The following GABRG3 variants were observed in gnomAD, a reference collection of about 807,000 sequenced individuals.
The protein encoded by GABRG3 is gamma-aminobutyric acid type A receptor subunit gamma3.
GABRG3 carries 25 observed loss-of-function variants against 48.8 expected under a neutral mutation model. The ratio of observed to expected loss-of-function variants is 0.51; its 90% CI spans 0.37 to 0.72. The LOEUF (loss-of-function observed/expected upper bound fraction) is 0.72. GABRG3 is among the 30% of genes least tolerant of loss of function. GABRG3 has a pLI of 0.00. For synonymous variants in GABRG3, 227 were observed against 217.6 expected, an observed-to-expected ratio of 1.04 and a Z score of -0.38; for missense variants, 394 against 577.9, an observed-to-expected ratio of 0.68 and a Z score of 3.26.
chr15:27,070,177 C>CA (rs1302225613), intron 3 of GABRG3, among the ~76,000 whole-genome samples: 1 of 152,232 alleles, frequency 6.6e-6, no homozygotes, highest in African/African-American at 2.4e-5. Flanking sequence ...GTCTGCAAAA[C>CA]AAAACCTTTT....
chr15:27,313,262 G>GTGTGTATGTA (rs1430430961), intron 3 of GABRG3, among the ~76,000 whole-genome samples: 1 of 34,562 alleles, frequency 2.9e-5, no homozygotes. Context: ...GTGTGTGTGT[G>GTGTGTATGTA]TATATATATA....
At chr15:27,518,451 G>C (rs943788392) in intron 6 of GABRG3, among the ~76,000 whole-genome samples, 2 of 151,620 alleles carry the variant, frequency 1.3e-5, no homozygotes, top group Non-Finnish European at 2.9e-5. Flanking sequence ...GCCAACGTTG[G>C]TAAACAAGAG....
intron 3 of GABRG3, among the ~76,000 whole-genome samples, chr15:27,307,241 T>C (rs1340231238): frequency 7.1e-6 from 1 of 140,146 alleles, no homozygotes; most frequent in Non-Finnish European, 1.5e-5. Context: ...ATTATATGTT[T>C]ATATATAACC....
intron 3 of GABRG3, among the ~76,000 whole-genome samples, chr15:27,325,726 G>A (rs1361476183): frequency 1.3e-5 from 2 of 152,154 alleles, no homozygotes; most frequent in Non-Finnish European, 2.9e-5. Flanking sequence ...GGCATACTCA[G>A]TGAAGCAAAG....
At chr15:27,294,257 C>T (rs1388022951) in intron 3 of GABRG3, among the ~76,000 whole-genome samples, 12 of 147,524 alleles carry the variant, frequency 8.1e-5, no homozygotes, top group Admixed American at 4.7e-4. Context: ...CAAGCTCTCA[C>T]CCAGGCTGGA....
rs1894920614 is a variant in GABRG3 at position 26,975,338 on chromosome 15, AC to A, written c.54-1663del. On this transcript the variant is annotated intron_variant, in intron 1 of 9. Transcript: ENST00000615808. This position sits in a 1 kb window ranked among gnomAD's most constrained non-coding sequence, Gnocchi z 4.6. ...GAATATCCAATGTGCATAAAAATCA[AC>A]AGCAATTTATAGTTTCTATGGATGA... Among the ~76,000 whole-genome samples, 1 of 152,232 alleles carries A rather than the reference AC, an allele frequency of 6.6e-6. No homozygotes were observed. Among genetic ancestry groups the A allele is most frequent in the Admixed American group, 6.5e-5 (1 of 15,282 alleles).
At chr15:26,983,991 C>T (rs1895103533) in intron 2 of GABRG3, among the ~76,000 whole-genome samples, 2 of 152,144 alleles carry the variant, frequency 1.3e-5, no homozygotes, top group Non-Finnish European at 2.9e-5. Context: ...CTCACCATGC[C>T]TGTCTTCGAG....
At chr15:27,489,632 G>A (rs1046670550) in intron 6 of GABRG3, among the ~76,000 whole-genome samples, 2 of 152,188 alleles carry the variant, frequency 1.3e-5, no homozygotes, top group African/African-American at 4.8e-5. Flanking sequence ...GACCAGTGAT[G>A]ATGAGCTTTT....
intron 3 of GABRG3, among the ~76,000 whole-genome samples, chr15:27,280,140 T>A (rs1213503542): frequency 6.6e-6 from 1 of 152,132 alleles, no homozygotes; most frequent in Non-Finnish European, 1.5e-5. Context: ...CTTTCTAATT[T>A]CATTGATTTC....
chr15:27,006,909 G>A (rs1895596721), intron 2 of GABRG3, among the ~76,000 whole-genome samples: 1 of 151,646 alleles, frequency 6.6e-6, no homozygotes, highest in South Asian at 2.1e-4. Context: ...GCACAATTGG[G>A]CTTACTGCAG....
Position 27,155,707 on chromosome 15 carries a change from GT to G in GABRG3, c.270+128888del, listed in dbSNP as rs1388159118. On this transcript the variant is annotated intron_variant, in intron 3 of 9. Transcript: ENST00000615808. ...CTAATCATTGCTGGATAGGGAGGGAGTTCTAGCTTCCCTCTAGGTCCCTGCA... is the reference window on the plus strand; with the variant it reads ...CTAATCATTGCTGGATAGGGAGGGAGTCTAGCTTCCCTCTAGGTCCCTGCA... 5.9e-5 allele frequency among the ~76,000 whole-genome samples: 9 copies of G among 152,266 alleles called. No individual in the cohort carries two copies. In the East Asian group the frequency reaches 1.7e-3, roughly 29 times the overall value.
intron 5 of GABRG3, among the ~76,000 whole-genome samples, chr15:27,388,505 T>C (rs1469078660): frequency 2.6e-5 from 4 of 152,096 alleles, no homozygotes; most frequent in African/African-American, 9.7e-5. Flanking sequence ...AGGCTCATTT[T>C]TAACAAGGTT....
intron 5 of GABRG3, among the ~76,000 whole-genome samples, chr15:27,458,548 G>A (rs889439825): frequency 6.6e-6 from 1 of 152,164 alleles, no homozygotes; most frequent in African/African-American, 2.4e-5. Context: ...TTGAGGAGAT[G>A]CAAGCTCCAT....
At chr15:27,432,818 T>C (rs1028879095) in intron 5 of GABRG3, among the ~76,000 whole-genome samples, 1 of 152,220 alleles carries the variant, frequency 6.6e-6, no homozygotes, top group African/African-American at 2.4e-5. Flanking sequence ...AGGTTGCTTC[T>C]TTCTAACTGT....
rs772320610 is a variant in GABRG3 at position 27,226,072 on chromosome 15, C to T, written c.271-100737C>T. On this transcript the variant is annotated intron_variant, in intron 3 of 9. Transcript: ENST00000615808. ...TTGGTGCTGGGATGTCCCAGGCAGG[C>T]GTGAGTTGATGCAAATAGGCAAGAG... Among the ~76,000 whole-genome samples, 3 of 152,108 alleles carry T rather than the reference C, an allele frequency of 2.0e-5. No individual in the cohort carries two copies. The East Asian group carries it at 5.8e-4, about 29-fold the overall frequency.
intron 2 of GABRG3, among the ~76,000 whole-genome samples, chr15:26,988,814 T>C (rs1895196941): frequency 6.6e-6 from 1 of 152,198 alleles, no homozygotes; most frequent in Non-Finnish European, 1.5e-5. Flanking sequence ...TAGTATTGTA[T>C]ACATTTTTAA....
intron 3 of GABRG3, among the ~76,000 whole-genome samples, chr15:27,152,554 CCTGT>C (rs1374697556): frequency 6.6e-6 from 1 of 152,106 alleles, no homozygotes; most frequent in East Asian, 1.9e-4. Flanking sequence ...TTTTATTAAA[CCTGT>C]CTGTCAATTT....
rs548763010 is a variant in GABRG3 at position 27,160,442 on chromosome 15, A to G, written c.270+133621A>G. On this transcript the variant is annotated intron_variant, in intron 3 of 9. Coordinates refer to ENST00000615808, the MANE Select transcript of GABRG3 (RefSeq NM_033223.5). ...GCAAGTCTTAACTATATGTAAAGTC[A>G]TTTGATTATTGAGATTGTTTGGTAT... Among the ~76,000 whole-genome samples the G allele has an allele frequency of 9.9e-5, 15 of 152,240 alleles. No homozygotes were observed. In the East Asian group the frequency reaches 2.7e-3, roughly 27 times the overall value.
At chr15:27,050,295 G>A (rs1461215383) in intron 3 of GABRG3, among the ~76,000 whole-genome samples, 1 of 152,130 alleles carries the variant, frequency 6.6e-6, no homozygotes, top group Admixed American at 6.5e-5. Context: ...CTTCTTCTGT[G>A]CTCATGCCTG....
Sources: allele counts gnomAD v4.1 joint callset (sites outside exome capture counted in the v4.1 genomes callset), GRCh38; gene constraint gnomAD v4.1.1; non-coding constraint Gnocchi (gnomAD v3.1); transcripts MANE v1.5; gene names NCBI Gene and HGNC (gene_info 2026-07-23, HGNC 2026-07-21).